The following ANO10 variants were observed in gnomAD, a reference collection of about 807,000 sequenced individuals.
ANO10 encodes anoctamin 10.
In ANO10, 77 loss-of-function variants were observed where a neutral mutation model predicts 74.7. That is an observed-to-expected ratio of 1.03 (90% CI 0.86 to 1.25). The LOEUF (loss-of-function observed/expected upper bound fraction) is 1.25, where lower values mean the gene tolerates loss of function less well. Among genes scored for constraint, ANO10 ranks in the 50% most tolerant of loss-of-function variants. The pLI is 0.00. For missense variants in ANO10, 721 were observed against 778.1 expected (o/e 0.93, Z 0.87); for synonymous variants, 279 against 284.9 (o/e 0.98, Z 0.21).
intron 1 of ANO10, among the ~76,000 whole-genome samples, chr3:43,654,393 G>A (rs1441074042): frequency 6.6e-6 from 1 of 152,044 alleles, no homozygotes; most frequent in Non-Finnish European, 1.5e-5. Flanking sequence ...AATTCAGAGG[G>A]TATATAATCT....
chr3:43,403,310 C>T lies in ANO10; in HGVS notation c.1914+29301G>A, dbSNP rs572932490. On this transcript the variant is annotated intron_variant, in intron 12 of 12. Coordinates refer to ENST00000292246, the MANE Select transcript of ANO10 (RefSeq NM_018075.5). ...ACATCTGTCAGAGAGAAACAGAACC[C>T]ATAATTAGCCTTTCTCCTTCCTCCA... Among the ~76,000 whole-genome samples the T allele has an allele frequency of 2.0e-5, 3 of 152,346 alleles. No individual in the cohort carries two copies. In the South Asian group the frequency reaches 6.2e-4, roughly 32 times the overall value.
intron 11 of ANO10, among the ~76,000 whole-genome samples, chr3:43,526,904 C>G (rs2078221440): frequency 1.9e-5 from 1 of 52,336 alleles, no homozygotes; most frequent in Non-Finnish European, 6.0e-5. Flanking sequence ...TGGTTGACCT[C>G]AACAATAATG....
intron 1 of ANO10, among the ~76,000 whole-genome samples, chr3:43,639,550 G>T (rs903232114): frequency 5.3e-5 from 8 of 152,170 alleles, no homozygotes; most frequent in African/African-American, 1.9e-4. Flanking sequence ...GGATCACGAG[G>T]TCAGGAGATT....
chr3:43,393,912 C>G (rs1202832574), intron 12 of ANO10, among the ~76,000 whole-genome samples: 1 of 152,146 alleles, frequency 6.6e-6, no homozygotes, highest in Non-Finnish European at 1.5e-5. Flanking sequence ...AATGGCACCT[C>G]AAGACCCCCT....
intron 7 of ANO10, among the ~76,000 whole-genome samples, chr3:43,566,201 G>A (rs911245231): frequency 4.6e-5 from 7 of 152,152 alleles, no homozygotes; most frequent in South Asian, 2.1e-4. Context: ...ACGGAGTCTC[G>A]CTGATTGCTA....
intron 11 of ANO10, chr3:43,485,186 G>A (rs965458517): frequency 5.6e-6 from 4 of 708,206 alleles, no homozygotes; most frequent in Non-Finnish European, 7.6e-6. Flanking sequence ...CAGCGCCTGC[G>A]GTGGTCAGGT....
intron 1 of ANO10, among the ~76,000 whole-genome samples, chr3:43,681,406 C>T (rs1203758873): frequency 6.6e-6 from 1 of 152,142 alleles, no homozygotes; most frequent in African/African-American, 2.4e-5. Flanking sequence ...GCACCCAATA[C>T]AGGAGCACCC....
chr3:43,541,296 A>T (rs2078943027), intron 11 of ANO10, among the ~76,000 whole-genome samples: 1 of 152,214 alleles, frequency 6.6e-6, no homozygotes, highest in Admixed American at 6.5e-5. Context: ...ATAGCTAACA[A>T]AACTAAACAC....
chr3:43,489,175 T>A (rs1575243535), intron 11 of ANO10, among the ~76,000 whole-genome samples: 1 of 66,862 alleles, frequency 1.5e-5, no homozygotes. Flanking sequence ...TGTTGTGGGG[T>A]GGGGGGAGGG....
intron 7 of ANO10, among the ~76,000 whole-genome samples, chr3:43,571,816 C>A: frequency 6.8e-6 from 1 of 146,320 alleles, no homozygotes. Context: ...GCACATGTAC[C>A]CTAAAACTTA....
intron 11 of ANO10, among the ~76,000 whole-genome samples, chr3:43,512,612 CAG>C (rs2077553400): frequency 6.6e-6 from 1 of 152,056 alleles, no homozygotes; most frequent in South Asian, 2.1e-4. Flanking sequence ...CTAGAGGTTG[CAG>C]AGAGATAAGT....
At chr3:43,684,586 T>C (rs1178192968) in intron 1 of ANO10, among the ~76,000 whole-genome samples, 1 of 152,200 alleles carries the variant, frequency 6.6e-6, no homozygotes, top group Non-Finnish European at 1.5e-5. Flanking sequence ...ACTAGGTATA[T>C]ACCCATAGGA....
At chr3:43,552,034 G>C (rs1291305462) in intron 10 of ANO10, among the ~76,000 whole-genome samples, 2 of 152,086 alleles carry the variant, frequency 1.3e-5, no homozygotes, top group Non-Finnish European at 2.9e-5. Flanking sequence ...TGGTTTACTT[G>C]AACATTTTTC....
At chr3:43,431,752 C>A (rs2092984994) in intron 12 of ANO10, among the ~76,000 whole-genome samples, 1 of 152,070 alleles carries the variant, frequency 6.6e-6, no homozygotes, top group Non-Finnish European at 1.5e-5. Context: ...CTCATCAGGG[C>A]AAGTATTGGT....
chr3:43,521,848 C>T (rs2077971285), intron 11 of ANO10, among the ~76,000 whole-genome samples: 1 of 152,106 alleles, frequency 6.6e-6, no homozygotes, highest in Non-Finnish European at 1.5e-5. Context: ...CCAATATTCA[C>T]TGCAGTATTA....
At chr3:43,434,293 A>T (rs2148947257) in intron 11 of ANO10, among the ~76,000 whole-genome samples, 1 of 152,328 alleles carries the variant, frequency 6.6e-6, no homozygotes, top group South Asian at 2.1e-4. Context: ...AGTAGATAAT[A>T]CAGCATGGAC....
chr3:43,480,926 T>C (rs1471420244), intron 11 of ANO10, among the ~76,000 whole-genome samples: 26 of 151,738 alleles, frequency 1.7e-4, no homozygotes, highest in Admixed American at 1.6e-3. Context: ...TACGTACTTA[T>C]CTACAAATAC....
intron 12 of ANO10, 152 bp downstream of exon 12, chr3:43,432,459 G>T: frequency 1.5e-6 from 1 of 652,534 alleles, no homozygotes; most frequent in Non-Finnish European, 2.7e-6. Context: ...TTAGGATTTT[G>T]GTTTTGTTAT....
At chr3:43,402,705 C>T (rs530665020) in intron 12 of ANO10, among the ~76,000 whole-genome samples, 3 of 152,266 alleles carry the variant, frequency 2.0e-5, no homozygotes, top group East Asian at 3.9e-4. Flanking sequence ...GCCCCACCAG[C>T]GACCCTTAGC....
Sources: allele counts gnomAD v4.1 joint callset (sites outside exome capture counted in the v4.1 genomes callset), GRCh38; gene constraint gnomAD v4.1.1; transcripts MANE v1.5; gene names NCBI Gene and HGNC (gene_info 2026-07-23, HGNC 2026-07-21).